The following PLCZ1 variants were observed in gnomAD, a reference collection of about 807,000 sequenced individuals.
PLCZ1 encodes 1-phosphatidylinositol 4,5-bisphosphate phosphodiesterase zeta-1.
In PLCZ1, 64 loss-of-function variants were observed where a neutral mutation model predicts 76.8. That is an observed-to-expected ratio of 0.83 (90% CI 0.68 to 1.03). The LOEUF (loss-of-function observed/expected upper bound fraction) is 1.03. PLCZ1 is among the 50% of genes least tolerant of loss of function. PLCZ1 has a pLI of 0.00. For missense variants in PLCZ1, 751 were observed against 713.7 expected, an observed-to-expected ratio of 1.05 and a Z score of -0.60; for synonymous variants, 248 against 230.8, an observed-to-expected ratio of 1.07 and a Z score of -0.68.
At chr12:18,651,990 T>C in the PLCZ1 span, among the ~76,000 whole-genome samples, 1 of 152,184 alleles carries the variant, frequency 6.6e-6, no homozygotes, top group Non-Finnish European at 1.5e-5. Flanking sequence ...TAAAAAAGTA[T>C]ATTTATTATT....
the PLCZ1 span, among the ~76,000 whole-genome samples, chr12:18,672,531 C>T: frequency 6.6e-6 from 1 of 152,098 alleles, no homozygotes; most frequent in Admixed American, 6.6e-5. Context: ...ATATACTCAA[C>T]ATTCCATATG....
At chr12:18,716,974 A>T (rs35707353) in intron 5 of PLCZ1, among the ~76,000 whole-genome samples, 5,359 of 152,268 alleles carry the variant, frequency 0.035, 129 homozygotes, top group East Asian at 0.056. Flanking sequence ...AAATTAACAG[A>T]TGAGGGAAAG....
chr12:18,656,889 A>G, the PLCZ1 span, among the ~76,000 whole-genome samples: 1 of 152,200 alleles, frequency 6.6e-6, no homozygotes, highest in African/African-American at 2.4e-5. Flanking sequence ...TTTCAGTAAG[A>G]GAGATGTGGT....
chr12:18,695,032 C>G lies in PLCZ1; in HGVS notation c.1339G>C (p.Gly447Arg). ...GAACCACCATTATCCAAAAATTTCC[C>G]ATTTTGCAGATCCATGGGCAGACCA... is the stretch of plus-strand genomic sequence containing the variant. ...TPGLPMDLQNGKFLDNGGSGY... is the reference protein window; with the variant it reads ...TPGLPMDLQNRKFLDNGGSGY... The change falls in exon 12 of 15, where the codon GGG becomes CGG. Residue 447 changes from glycine (G) to arginine (R), a missense_variant. Gly to Arg is a moderately radical substitution (Grantham distance 125, BLOSUM62 -2). Coordinates refer to ENST00000266505, the MANE Select transcript of PLCZ1 (RefSeq NM_033123.4). 6.2e-7 allele frequency: 1 copy of G among 1,613,006 alleles called. No individual in the cohort carries two copies. The highest frequency in any genetic ancestry group is 8.5e-7 in the Non-Finnish European group (1 of 1,179,284).
At chr12:18,724,860 T>C (rs188633600) in intron 3 of PLCZ1, among the ~76,000 whole-genome samples, 44 of 152,210 alleles carry the variant, frequency 2.9e-4, no homozygotes, top group African/African-American at 9.6e-4. Context: ...AAATAAAAAA[T>C]TATGGTTCTA....
At chr12:18,687,526 GAT>G (rs1264309208) in intron 13 of PLCZ1, among the ~76,000 whole-genome samples, 1 of 152,082 alleles carries the variant, frequency 6.6e-6, no homozygotes, top group Non-Finnish European at 1.5e-5. Context: ...TACTGTGTAA[GAT>G]GTCATAGCAT....
At chr12:18,737,264 T>G in intron 2 of PLCZ1, 97 bp downstream of exon 2, 1 of 1,372,990 alleles carries the variant, frequency 7.3e-7, no homozygotes, top group South Asian at 1.2e-5. Flanking sequence ...TGAAGAGGAC[T>G]TAAATTCAGA....
chr12:18,697,503 A>G (rs1464825047), intron 10 of PLCZ1, among the ~76,000 whole-genome samples: 1 of 152,166 alleles, frequency 6.6e-6, no homozygotes, highest in African/African-American at 2.4e-5. Flanking sequence ...CTAAGGTCTC[A>G]TAACATAATA....
At chr12:18,733,966 A>G (rs1322669014) in intron 3 of PLCZ1, among the ~76,000 whole-genome samples, 1 of 152,144 alleles carries the variant, frequency 6.6e-6, no homozygotes, top group African/African-American at 2.4e-5. Context: ...TTTGATTCCA[A>G]TATGAATTTT....
the PLCZ1 span, among the ~76,000 whole-genome samples, chr12:18,664,204 C>T: frequency 1.3e-5 from 2 of 152,146 alleles, no homozygotes; most frequent in African/African-American, 4.8e-5. Flanking sequence ...CACTGTGGGA[C>T]ACAGTTTGGT....
At chr12:18,677,552 GT>G in the PLCZ1 span, among the ~76,000 whole-genome samples, 922 of 152,142 alleles carry the variant, frequency 6.1e-3, 1 homozygote, top group Non-Finnish European at 0.011. Flanking sequence ...CCCCTATGCT[GT>G]TTTCACTGGC....
chr12:18,704,139 A>G lies in PLCZ1; in HGVS notation c.864+1027T>C, dbSNP rs776123125. On this transcript the variant is annotated intron_variant, in intron 7 of 14. Transcript: ENST00000266505. ...TCAGGGAAAGGAAGTGGAGGTCGACAGTATTGAATGTTAATGAGAGGACAA... is the reference window on the plus strand; with the variant it reads ...TCAGGGAAAGGAAGTGGAGGTCGACGGTATTGAATGTTAATGAGAGGACAA... Among the ~76,000 whole-genome samples, 15 of 152,288 alleles carry G rather than the reference A, an allele frequency of 9.8e-5. No homozygotes were observed. The South Asian group carries it at 1.0e-3, about 11-fold the overall frequency.
chr12:18,700,538 A>AAAAAAAAAAAAAAG (rs1370935394), intron 9 of PLCZ1, among the ~76,000 whole-genome samples: 3 of 135,914 alleles, frequency 2.2e-5, no homozygotes, highest in Admixed American at 8.1e-5. Flanking sequence ...AAAAAAAAAT[A>AAAAAAAAAAAAAAG]GTTGCTCTGC....
rs149159179 is a variant in PLCZ1, at chr12:18,733,250, T to C, written c.135+2971A>G. ...ATACCTGTTGGCCATTTGTATAGCT[T>C]CTTTAGGGAAATGTCTATACAATCC... On this transcript the variant is annotated intron_variant, in intron 3 of 14. Transcript: ENST00000266505. 5.1e-3 allele frequency among the ~76,000 whole-genome samples: 779 copies of C among 152,314 alleles called. 3 individuals are homozygous for C. The highest frequency in any genetic ancestry group is 0.018 in the African/African-American group (732 of 41,562).
intron 9 of PLCZ1, among the ~76,000 whole-genome samples, chr12:18,700,160 A>T (rs1240090991): frequency 6.6e-6 from 1 of 152,166 alleles, no homozygotes; most frequent in Non-Finnish European, 1.5e-5. Flanking sequence ...TTTAAAAATC[A>T]TGATTAATGT....
At chr12:18,711,285 CA>C (rs1238336683) in intron 6 of PLCZ1, among the ~76,000 whole-genome samples, 1 of 145,194 alleles carries the variant, frequency 6.9e-6, no homozygotes, top group Non-Finnish European at 1.5e-5. Flanking sequence ...ATCGCAAGGA[CA>C]AAAAACCAAA....
chr12:18,679,309 T>G (rs1298991511), downstream of PLCZ1, among the ~76,000 whole-genome samples: 2 of 152,066 alleles, frequency 1.3e-5, no homozygotes, highest in African/African-American at 2.4e-5. Flanking sequence ...TTTGATGAAA[T>G]CAACTCTATC....
At chr12:18,727,395 A>G (rs1364070473) in intron 3 of PLCZ1, among the ~76,000 whole-genome samples, 1 of 152,118 alleles carries the variant, frequency 6.6e-6, no homozygotes, top group African/African-American at 2.4e-5. Context: ...TAGATAATAG[A>G]CACAATAAGG....
chr12:18,734,448 T>C (rs1959178965), intron 3 of PLCZ1, among the ~76,000 whole-genome samples: 1 of 152,138 alleles, frequency 6.6e-6, no homozygotes, highest in Non-Finnish European at 1.5e-5. Context: ...CCTCCCAGGT[T>C]CAAGCAATTC....
Sources: gnomAD v4.1 joint callset for allele counts (sites outside exome capture counted in the v4.1 genomes callset) on GRCh38, gnomAD v4.1.1 for gene constraint, MANE v1.5 for transcripts, NCBI Gene and HGNC (gene_info 2026-07-23, HGNC 2026-07-21) for gene names.